The following CSMD3 variants were observed in gnomAD, a reference collection of about 807,000 sequenced individuals.
CSMD3 encodes the protein CUB and Sushi multiple domains 3.
In CSMD3, 177 loss-of-function variants were observed where a neutral mutation model predicts 435.2. The observed-to-expected ratio is 0.41, with a 90% CI of 0.36 to 0.46. CSMD3 has a LOEUF of 0.46. Ranked by LOEUF, CSMD3 falls within the 20% of genes least tolerant of loss-of-function variation. The pLI is 0.34. For missense variants in CSMD3, 4,265 were observed against 4,504.6 expected (o/e 0.95, Z 1.52); for synonymous variants, 1,656 against 1,520.5 (o/e 1.09, Z -2.07).
At chr8:112,851,012 A>G (rs1441868265) in intron 11 of CSMD3, among the ~76,000 whole-genome samples, 2 of 152,160 alleles carry the variant, frequency 1.3e-5, no homozygotes. Flanking sequence ...ATAACATTAT[A>G]TTTTAGTTCA....
At chr8:112,576,929 C>A (rs547821072) in intron 23 of CSMD3, among the ~76,000 whole-genome samples, 1 of 151,744 alleles carries the variant, frequency 6.6e-6, no homozygotes, top group Non-Finnish European at 1.5e-5. Context: ...AGAGCTAGTA[C>A]TTTCAGGAAA....
At chr8:112,846,532 A>G (rs1373227998) in intron 11 of CSMD3, among the ~76,000 whole-genome samples, 1 of 151,774 alleles carries the variant, frequency 6.6e-6, no homozygotes, top group Non-Finnish European at 1.5e-5. Flanking sequence ...CCTCCTGAGT[A>G]ACTGGGACTA....
At chr8:112,592,590 T>A (rs1011220980) in intron 22 of CSMD3, among the ~76,000 whole-genome samples, 1 of 152,126 alleles carries the variant, frequency 6.6e-6, no homozygotes, top group Admixed American at 6.5e-5. Context: ...TATATTTTTG[T>A]GTGTGAATTG....
Position 112,341,547 on chromosome 8 carries a change from G to T in CSMD3, c.6582C>A (p.Thr2194=), listed in dbSNP as rs766456924. The T allele has an allele frequency of 6.2e-7, 1 of 1,613,268 alleles. No individual in the cohort carries two copies. The highest frequency in any genetic ancestry group is 1.1e-5 in the South Asian group (1 of 91,056). The change falls in exon 42 of 71, where the codon ACC becomes ACA. Residue 2194 remains threonine, a synonymous_variant. Coordinates refer to ENST00000297405, the MANE Select transcript of CSMD3 (RefSeq NM_198123.2). ...PQIPSSLFST[T]HETSLYFHSD... ...TGTGAAAATATAAGCTGGTTTCATG[G>T]GTGGTGCTGAATAAGGAAGATGGTA...
At chr8:112,755,907 T>A (rs907465964) in intron 13 of CSMD3, among the ~76,000 whole-genome samples, 15 of 139,852 alleles carry the variant, frequency 1.1e-4, no homozygotes, top group Non-Finnish European at 2.1e-4. Context: ...TTATTTTATT[T>A]AGTTTTATTT....
intron 32 of CSMD3, among the ~76,000 whole-genome samples, chr8:112,450,440 G>T (rs1816131199): frequency 1.3e-5 from 2 of 152,176 alleles, no homozygotes; most frequent in South Asian, 2.1e-4. Context: ...GTCAAAAAGA[G>T]AATGCATTTG....
chr8:112,962,544 A>C (rs191920995), intron 7 of CSMD3, among the ~76,000 whole-genome samples: 1 of 151,948 alleles, frequency 6.6e-6, no homozygotes, highest in Non-Finnish European at 1.5e-5. Flanking sequence ...CAAAAAAAAA[A>C]TACAGAAAGA....
At chr8:112,863,600 T>A (rs1174351316) in intron 10 of CSMD3, among the ~76,000 whole-genome samples, 1 of 152,070 alleles carries the variant, frequency 6.6e-6, no homozygotes, top group African/African-American at 2.4e-5. Flanking sequence ...TTTCATAATT[T>A]CTTTATTATC....
intron 24 of CSMD3, among the ~76,000 whole-genome samples, chr8:112,562,562 G>T (rs1475570463): frequency 6.6e-6 from 1 of 151,040 alleles, no homozygotes; most frequent in Non-Finnish European, 1.5e-5. Flanking sequence ...ATACATTAGA[G>T]AAATATGCTT....
At chr8:112,790,130 G>A (rs2078649475) in intron 13 of CSMD3, among the ~76,000 whole-genome samples, 1 of 147,054 alleles carries the variant, frequency 6.8e-6, no homozygotes, top group South Asian at 2.5e-4. Flanking sequence ...TTGCAATGAT[G>A]TATAGTATAG....
At chr8:112,812,557 A>C (rs1453687673) in intron 12 of CSMD3, among the ~76,000 whole-genome samples, 1 of 152,154 alleles carries the variant, frequency 6.6e-6, no homozygotes, top group Non-Finnish European at 1.5e-5. Context: ...AGTTTTTAAT[A>C]AACTCACTTC....
chr8:112,349,387 C>T (rs1390735899), intron 40 of CSMD3, among the ~76,000 whole-genome samples: 2 of 151,870 alleles, frequency 1.3e-5, no homozygotes, highest in Non-Finnish European at 2.9e-5. Context: ...GTATCCCAAG[C>T]CTTTACATTA....
At chr8:112,292,183 A>T (rs988655832) in intron 55 of CSMD3, among the ~76,000 whole-genome samples, 1 of 152,134 alleles carries the variant, frequency 6.6e-6, no homozygotes, top group Non-Finnish European at 1.5e-5. Flanking sequence ...AATAAAAAGA[A>T]AATAAATGCC....
intron 6 of CSMD3, among the ~76,000 whole-genome samples, chr8:113,007,975 A>C (rs1336860182): frequency 6.6e-6 from 1 of 151,890 alleles, no homozygotes; most frequent in Non-Finnish European, 1.5e-5. Context: ...GAAATGAGAA[A>C]TATTCATTCC....
Position 112,223,801 on chromosome 8 carries a change from T to C in CSMD3, c.*970A>G, listed in dbSNP as rs1051385187. On this transcript the variant is annotated 3_prime_UTR_variant, in exon 71 of 71. Coordinates refer to ENST00000297405, the MANE Select transcript of CSMD3 (RefSeq NM_198123.2). Reference sequence around the variant, plus strand: ...TTGAAGACTCAGCTGGAAGGAAATGTAGATATAAATAGAGTAGATTATTAG... The same window carrying C: ...TTGAAGACTCAGCTGGAAGGAAATGCAGATATAAATAGAGTAGATTATTAG... 6.6e-6 allele frequency: 1 copy of C among 152,092 alleles called. No homozygotes were observed. Among genetic ancestry groups the C allele is most frequent in the African/African-American group, 2.4e-5 (1 of 41,430 alleles). 9.4% of individuals were successfully genotyped at this position (152,092 alleles called of 1,614,324 possible).
chr8:113,285,624 T>G (rs529566004), intron 2 of CSMD3, among the ~76,000 whole-genome samples: 24 of 152,300 alleles, frequency 1.6e-4, no homozygotes, highest in African/African-American at 5.5e-4. Context: ...CTGGGAAAAC[T>G]AAGTAAGATT....
At chr8:112,730,740 T>G (rs951898825) in intron 13 of CSMD3, among the ~76,000 whole-genome samples, 3 of 152,118 alleles carry the variant, frequency 2.0e-5, no homozygotes, top group Non-Finnish European at 4.4e-5. Context: ...TTGTTTTTTT[T>G]GTTTTCCTTG....
intron 40 of CSMD3, among the ~76,000 whole-genome samples, 188 bp downstream of exon 40, chr8:112,350,987 A>G (rs1457979560): frequency 6.6e-6 from 1 of 152,066 alleles, no homozygotes. Context: ...AAATTAAAAA[A>G]AAGAAGATGT....
intron 1 of CSMD3, among the ~76,000 whole-genome samples, chr8:113,354,620 T>G (rs1588581108): frequency 6.6e-6 from 1 of 152,146 alleles, no homozygotes; most frequent in Non-Finnish European, 1.5e-5. Flanking sequence ...CATAGAAATT[T>G]GTTATTGTTG....
Sources: gnomAD v4.1 joint callset for allele counts (sites outside exome capture counted in the v4.1 genomes callset) on GRCh38, gnomAD v4.1.1 for gene constraint, MANE v1.5 for transcripts, NCBI Gene and HGNC (gene_info 2026-07-23, HGNC 2026-07-21) for gene names.